CYP17A1: variants seen among roughly 807,000 people sequenced by gnomAD.
CYP17A1 encodes the protein cytochrome P450 family 17 subfamily A member 1, also known as steroid 17-alpha-hydroxylase/17,20 lyase.
CYP17A1 carries 27 observed loss-of-function variants against 38.5 expected under a neutral mutation model. The observed-to-expected ratio is 0.70, with a 90% CI of 0.52 to 0.97. The LOEUF (loss-of-function observed/expected upper bound fraction) is 0.97, where lower values mean the gene tolerates loss of function less well. Among genes scored for constraint, CYP17A1 ranks in the 50% least tolerant of loss-of-function variants. CYP17A1 has a pLI of 0.00. For synonymous variants in CYP17A1, 263 were observed against 253.3 expected, an observed-to-expected ratio of 1.04 and a Z score of -0.36; for missense variants, 549 against 645.9, an observed-to-expected ratio of 0.85 and a Z score of 1.63.
intron 3 of CYP17A1, chr10:102,834,443 AC>A: frequency 1.8e-6 from 1 of 551,338 alleles, no homozygotes; most frequent in Non-Finnish European, 3.3e-6. Context: ...AAGCTCCTTA[AC>A]CCCGCTAAGC....
At chr10:102,832,448 G>C in intron 6 of CYP17A1, 63 bp downstream of exon 6, 1 of 1,092,170 alleles carries the variant, frequency 9.2e-7, no homozygotes, top group African/African-American at 1.5e-5. Context: ...GGGGAGCCAG[G>C]TGGGCTGGCA....
At position 102,830,793 on chromosome 10, in the gene CYP17A1, A is replaced by G; in HGVS notation, c.1436T>C (p.Ile479Thr). Residue 479 changes from isoleucine to threonine, a missense_variant, in exon 8 of 8, where the codon ATC becomes ACC. This residue lies in a region of CYP17A1 where 257 missense variants were observed against 307.9 expected (regional missense o/e 0.83). Transcript: ENST00000369887. The surrounding 1 kb of genome is among the most constrained non-coding windows in gnomAD (Gnocchi z 4.1). ...DDGQLPSLEG[I>T]PKVVFLIDSF... is the part of the protein sequence containing the mutation. ...GTCGATCAGAAAGACCACCTTGGGG[A>G]TGCCTTCCAGGGAGGGCAGCTGCCC... 1.3e-6 allele frequency: 2 copies of G among 1,591,282 alleles called. No individual in the cohort carries two copies. Among genetic ancestry groups the G allele is most frequent in the African/African-American group, 1.3e-5 (1 of 74,528 alleles).
At chr10:102,832,371 C>T (rs796900272) in intron 6 of CYP17A1, 140 bp downstream of exon 6, 71 of 710,248 alleles carry the variant, frequency 1.0e-4, no homozygotes, top group African/African-American at 6.9e-4. Flanking sequence ...CGTGCCCGGC[C>T]GGCAGGATGA....
chr10:102,831,589 T>A lies in CYP17A1; in HGVS notation c.1162A>T (p.Lys388Ter), dbSNP rs1060499582. Residue 388 changes from lysine (K) to a stop codon, truncating the protein, a stop_gained, in exon 7 of 8, where the codon AAG (lysine) becomes TAG (stop). Coordinates refer to ENST00000369887, the MANE Select transcript of CYP17A1 (RefSeq NM_000102.4). LOFTEE classifies it high-confidence loss of function. Reference sequence around the variant, plus strand: ...AGATTGATGATAACTTCTGTGCCCTTGTCCACAGCAAACTCACCGATGCTG... The same window carrying A: ...AGATTGATGATAACTTCTGTGCCCTAGTCCACAGCAAACTCACCGATGCTG... ...DSSIGEFAVD[K>*]GTEVIINLWA... 6.2e-7 allele frequency: 1 copy of A among 1,613,948 alleles called. No individual in the cohort carries two copies. Among genetic ancestry groups the A allele is most frequent in the Non-Finnish European group, 8.5e-7 (1 of 1,180,022 alleles).
chr10:102,832,902 C>T, intron 5 of CYP17A1, 91 bp downstream of exon 5: 2 of 1,561,072 alleles, frequency 1.3e-6, no homozygotes, highest in Non-Finnish European at 1.7e-6. Flanking sequence ...AGTCTTCCTG[C>T]ACAGAAAGCC....
intron 7 of CYP17A1, 106 bp from the exon 8 acceptor site, chr10:102,831,091 T>C (rs1399856034): frequency 2.2e-6 from 1 of 463,346 alleles, no homozygotes; most frequent in East Asian, 3.3e-5. Context: ...GGAACCCTGA[T>C]CTGAGGATGT....
chr10:102,831,362 G>C (rs1844086192), intron 7 of CYP17A1, 146 bp downstream of exon 7: 8 of 1,360,194 alleles, frequency 5.9e-6, no homozygotes, highest in Non-Finnish European at 8.1e-6. Flanking sequence ...GTAAGTCTAT[G>C]GCAGGATGAG....
In CYP17A1 at chr10:102,830,736, G is replaced by T; in HGVS notation, c.1493C>A (p.Ala498Asp). ...ACCCTCAGCCTGGGCTTCCCTCCAG[G>T]CCTGGCGCACCTTGATCTTCACTTT... ...SFKVKIKVRQ[A>D]WREAQAEGST The change falls in exon 8 of 8, where the codon GCC becomes GAC. Residue 498 changes from alanine (A) to aspartate (D), a missense_variant. Transcript: ENST00000369887. This position sits in a 1 kb window ranked among gnomAD's most constrained non-coding sequence, Gnocchi z 4.1. The T allele has an allele frequency of 6.2e-7, 1 of 1,602,666 alleles. No homozygotes were observed. The highest frequency in any genetic ancestry group is 8.5e-7 in the Non-Finnish European group (1 of 1,171,746).
Position 102,833,013 on chromosome 10 carries a change from A to G in CYP17A1, c.949T>C (p.Phe317Leu). 1 of 1,614,198 alleles carries G rather than the reference A, an allele frequency of 6.2e-7. No individual in the cohort carries two copies. The highest frequency in any genetic ancestry group is 2.2e-5 in the East Asian group (1 of 44,886). ...TTSVVKWTLA[F>L]LLHNPQVKKK... ...CACACCTGAGGATTGTGCAGCAGGA[A>G]GGCCAGGGTCCATTTAACCACAGAG... Residue 317 changes from phenylalanine (F) to leucine (L), a missense_variant, in exon 5 of 8, where the codon TTC becomes CTC. Coordinates refer to ENST00000369887, the MANE Select transcript of CYP17A1 (RefSeq NM_000102.4).
chr10:102,831,239 G>C (rs189645741), intron 7 of CYP17A1, among the ~76,000 whole-genome samples: 1 of 152,250 alleles, frequency 6.6e-6, no homozygotes, highest in Non-Finnish European at 1.5e-5. Flanking sequence ...AGCACCATCC[G>C]AGGGGAGAAG....
rs908055791 is a variant in CYP17A1 at position 102,831,104 on chromosome 10, C to T, written c.1244-119G>A. On this transcript the variant is annotated intron_variant, in intron 7 of 7. Coordinates refer to ENST00000369887, the MANE Select transcript of CYP17A1 (RefSeq NM_000102.4). Reference sequence around the variant, plus strand: ...AGGGAACCCTGATCTGAGGATGTAGCCTTATTATGGGGGAACCCCCGCCTG... The same window carrying T: ...AGGGAACCCTGATCTGAGGATGTAGTCTTATTATGGGGGAACCCCCGCCTG... 5 of 445,020 alleles carry T rather than the reference C, an allele frequency of 1.1e-5. No homozygotes were observed. The African/African-American group carries it at 1.2e-4, about 11-fold the overall frequency. 27.6% of individuals were successfully genotyped at this position (445,020 alleles called of 1,614,324 possible). A position where few individuals can be genotyped will look rare whatever the true frequency, so the allele number is the denominator to read the frequency against.
rs1283538888 is a variant in CYP17A1, at chr10:102,837,140, C to T, written c.222G>A (p.Val74=). 1.9e-6 allele frequency: 3 copies of T among 1,601,100 alleles called. No homozygotes were observed. Among genetic ancestry groups the T allele is most frequent in the African/African-American group, 1.3e-5 (1 of 74,756 alleles). Residue 74 remains valine (V), a synonymous_variant, in exon 1 of 8, where the codon GTG becomes GTA. Coordinates refer to ENST00000369887, the MANE Select transcript of CYP17A1 (RefSeq NM_000102.4). ...TGGCCAGCTGGTGGTGGCCGACAAT[C>T]ACTGTAGTCTTGGTGCCCATACGAA... ...YSVRMGTKTT[V]IVGHHQLAKE...
In CYP17A1 at chr10:102,830,866, T is replaced by G. The variant is rs138630127; in HGVS notation, c.1363A>C (p.Ile455Leu). 9.4e-6 allele frequency: 15 copies of G among 1,592,490 alleles called. 1 individual carries two copies. The African/African-American group carries it at 1.6e-4, about 17-fold the overall frequency. The change falls in exon 8 of 8, where the codon ATC (isoleucine) becomes CTC (leucine). Residue 455 changes from isoleucine (I) to leucine (L), a missense_variant. Around this residue, in one of 3 missense-constraint regions of CYP17A1, gnomAD observed 257 missense variants for 307.9 expected, o/e 0.83. Transcript: ENST00000369887. The surrounding 1 kb of genome is among the most constrained non-coding windows in gnomAD (Gnocchi z 4.1). ...EILARQELFL[I>L]MAWLLQRFDL... ...AACCTCTGCAGCAGCCAGGCCATGA[T>G]GAGGAAGAGCTCCTGGCGGGCCAGG...
chr10:102,835,426 C>T, intron 1 of CYP17A1, 34 bp from the exon 2 acceptor site: 1 of 1,584,036 alleles, frequency 6.3e-7, no homozygotes, highest in Non-Finnish European at 8.7e-7. Context: ...AGGAATCTCA[C>T]ACCATCCACC....
chr10:102,831,127 C>T, intron 7 of CYP17A1, 142 bp from the exon 8 acceptor site: 1 of 719,896 alleles, frequency 1.4e-6, no homozygotes, highest in South Asian at 1.5e-5. Context: ...GAACCCCCGC[C>T]TGGGGAGAGA....
chr10:102,832,632 G>T lies in CYP17A1; in HGVS notation c.1018C>A (p.Arg340Ser). The T allele has an allele frequency of 6.2e-7, 1 of 1,606,808 alleles. No homozygotes were observed. The highest frequency in any genetic ancestry group is 8.5e-7 in the Non-Finnish European group (1 of 1,173,278). The change falls in exon 6 of 8, where the codon CGC becomes AGC. Residue 340 changes from arginine (R) to serine (S), a missense_variant. By Grantham distance (110) the Arg-to-Ser change is moderately radical. This residue lies in a region of CYP17A1 where 257 missense variants were observed against 307.9 expected (regional missense o/e 0.83). Transcript: ENST00000369887. ...EEIDQNVGFS[R>S]TPTISDRNRL... ...TTACGGTCACTGATAGTTGGTGTGC[G>T]GCTGAAACCCACATTCTGGTCAATC...
In CYP17A1 at chr10:102,832,612, G is replaced by A. The variant is rs1844104951; in HGVS notation, c.1038C>T (p.Asp346=). The A allele has an allele frequency of 6.2e-7, 1 of 1,604,214 alleles. No individual in the cohort carries two copies. The highest frequency in any genetic ancestry group is 1.1e-5 in the South Asian group (1 of 90,938). ...CCTCCAGCAGGAGGAGACGGTTACG[G>A]TCACTGATAGTTGGTGTGCGGCTGA... The part of the protein sequence containing the change: ...VGFSRTPTIS[D]RNRLLLLEAT... Residue 346 remains aspartate (D), a synonymous_variant, in exon 6 of 8, where the codon GAC becomes GAT. Coordinates refer to ENST00000369887, the MANE Select transcript of CYP17A1 (RefSeq NM_000102.4).
chr10:102,833,170 G>A lies in CYP17A1; in HGVS notation c.792C>T (p.Asp264=). The A allele has an allele frequency of 1.2e-6, 2 of 1,614,178 alleles. No individual in the cohort carries two copies. The highest frequency in any genetic ancestry group is 1.7e-6 in the Non-Finnish European group (2 of 1,180,042). The change falls in exon 5 of 8, where the codon GAC becomes GAT. Residue 264 remains aspartate (D), a synonymous_variant. Transcript: ENST00000369887. ...AGTTCATCTTGGCTTGCATCAGTGT[G>A]TCCAGCATGTTGGTGATAGAGTCAC... ...FRSDSITNML[D]TLMQAKMNSD...
intron 4 of CYP17A1, 123 bp downstream of exon 4, chr10:102,833,913 C>T: frequency 2.9e-6 from 2 of 688,454 alleles, no homozygotes; most frequent in Non-Finnish European, 5.3e-6. Context: ...TTTTATTGTA[C>T]ACCTACTATG....
Sources: allele counts gnomAD v4.1 joint callset (sites outside exome capture counted in the v4.1 genomes callset), GRCh38; gene constraint gnomAD v4.1.1; regional missense constraint gnomAD v4.1.1; non-coding constraint Gnocchi (gnomAD v3.1); transcripts MANE v1.5; gene names NCBI Gene and HGNC (gene_info 2026-07-23, HGNC 2026-07-21).